RIMS3: variants seen among roughly 807,000 people sequenced by gnomAD.
The protein encoded by RIMS3 is regulating synaptic membrane exocytosis 3.
Under a neutral mutation model 29.2 loss-of-function variants are expected in RIMS3, and 15 were observed. That is an observed-to-expected ratio of 0.51 (90% CI 0.34 to 0.79). RIMS3 has a LOEUF of 0.79. Among genes scored for constraint, RIMS3 ranks in the 30% least tolerant of loss-of-function variants. The pLI, the probability that RIMS3 is intolerant of heterozygous loss-of-function variation, is 0.01. For synonymous variants in RIMS3, 161 were observed against 170.1 expected, an observed-to-expected ratio of 0.95 and a Z score of 0.41; for missense variants, 342 against 421.4, an observed-to-expected ratio of 0.81 and a Z score of 1.65.
chr1:40,659,400 C>T (rs1056993266), intron 1 of RIMS3, among the ~76,000 whole-genome samples: 23 of 152,156 alleles, frequency 1.5e-4, no homozygotes, highest in South Asian at 2.1e-4. Context: ...CAGGGGGTGA[C>T]GGGGTCAGTT....
At chr1:40,664,968 A>G (rs1000894174) in intron 1 of RIMS3, among the ~76,000 whole-genome samples, 2 of 152,106 alleles carry the variant, frequency 1.3e-5, no homozygotes, top group African/African-American at 4.8e-5. Flanking sequence ...GGACACCACA[A>G]CGGTGTCACG....
the RIMS3 span, among the ~76,000 whole-genome samples, chr1:40,676,362 G>A: frequency 6.6e-6 from 1 of 152,204 alleles, no homozygotes; most frequent in Non-Finnish European, 1.5e-5. Context: ...ATTAGTTACA[G>A]AGTGCCCCTG....
the RIMS3 span, among the ~76,000 whole-genome samples, chr1:40,686,035 G>A: frequency 6.6e-6 from 1 of 152,114 alleles, no homozygotes; most frequent in Non-Finnish European, 1.5e-5. Context: ...TGTAATCCCA[G>A]CTACTTGGGA....
chr1:40,686,257 G>A, the RIMS3 span, among the ~76,000 whole-genome samples: 4 of 152,234 alleles, frequency 2.6e-5, no homozygotes, highest in South Asian at 2.1e-4. Context: ...CTTGTAATTC[G>A]AACTCTATAT....
the RIMS3 span, among the ~76,000 whole-genome samples, chr1:40,670,858 G>A: frequency 2.6e-5 from 4 of 151,704 alleles, no homozygotes. Flanking sequence ...GATTACAGGA[G>A]TGAGCCACTG....
Position 40,641,891 on chromosome 1 carries a change from C to T in RIMS3, c.35G>A (p.Gly12Glu), listed in dbSNP as rs551200867. 1 of 1,613,714 alleles carries T rather than the reference C, an allele frequency of 6.2e-7. No homozygotes were observed. Among genetic ancestry groups the T allele is most frequent in the South Asian group, 1.1e-5 (1 of 91,078 alleles). The change falls in exon 3 of 8, where the codon GGG becomes GAG. Residue 12 changes from glycine to glutamate, a missense_variant. Physicochemically the swap from Gly to Glu is moderately conservative, Grantham distance 98 (BLOSUM62 -2). Transcript: ENST00000372684. ...GCTCCGCACCACATTCCTGGAGGCCCCAGATGAGGCAGGACCTGGCTCCCC... is the reference window on the plus strand; with the variant it reads ...GCTCCGCACCACATTCCTGGAGGCCTCAGATGAGGCAGGACCTGGCTCCCC... Reference protein sequence around the residue: ...FNGEPGPASSGASRNVVRSSS... With the variant: ...FNGEPGPASSEASRNVVRSSS...
the RIMS3 span, chr1:40,690,979 A>C: frequency 6.6e-6 from 1 of 152,240 alleles, no homozygotes; most frequent in Non-Finnish European, 1.5e-5. Flanking sequence ...ACTTAGATCA[A>C]GTTACTTAAC....
the RIMS3 span, among the ~76,000 whole-genome samples, chr1:40,678,280 C>T: frequency 2.0e-5 from 3 of 152,094 alleles, no homozygotes; most frequent in Non-Finnish European, 2.9e-5. Flanking sequence ...TAGTGGCGCA[C>T]GCCTGTAATC....
In RIMS3 at chr1:40,623,193, A is replaced by C. The variant is rs1646433201; in HGVS notation, c.*3324T>G. 2 of 384,954 alleles carry C rather than the reference A, an allele frequency of 5.2e-6. No homozygotes were observed. The highest frequency in any genetic ancestry group is 4.1e-5 in the African/African-American group (2 of 48,360). 23.8% of individuals were successfully genotyped at this position (384,954 alleles called of 1,614,324 possible). ...ATTGCCTGGGACTTGCTGCATCCCA[A>C]GAGCCTCCTAAGTGCTCCTTTCCTA... is the stretch of plus-strand genomic sequence containing the variant. On this transcript the variant is annotated 3_prime_UTR_variant, in exon 8 of 8. Transcript: ENST00000372684.
chr1:40,632,536 A>G (rs1271459648), intron 5 of RIMS3, among the ~76,000 whole-genome samples: 2 of 150,052 alleles, frequency 1.3e-5, no homozygotes, highest in Non-Finnish European at 3.0e-5. Flanking sequence ...AATACCTAAC[A>G]CAATGCCTAC....
At chr1:40,651,269 A>G (rs957574346) in intron 1 of RIMS3, among the ~76,000 whole-genome samples, 3 of 152,190 alleles carry the variant, frequency 2.0e-5, no homozygotes, top group Non-Finnish European at 4.4e-5. Flanking sequence ...CCTTATAGGA[A>G]GGTGGCCACG....
intron 5 of RIMS3, among the ~76,000 whole-genome samples, chr1:40,631,107 G>A (rs1300488154): frequency 1.3e-5 from 2 of 152,318 alleles, no homozygotes; most frequent in Non-Finnish European, 2.9e-5. Context: ...TGGGGGCTGA[G>A]TGGGGACGTG....
the RIMS3 span, among the ~76,000 whole-genome samples, chr1:40,685,090 G>A: frequency 6.6e-6 from 1 of 151,760 alleles, no homozygotes; most frequent in Non-Finnish European, 1.5e-5. Context: ...AGGAGGTACT[G>A]GGCCAAGATG....
chr1:40,686,689 T>G, the RIMS3 span, among the ~76,000 whole-genome samples: 2 of 152,164 alleles, frequency 1.3e-5, no homozygotes, highest in Admixed American at 1.3e-4. Context: ...CTTAATTTTC[T>G]TGTTCCCTAA....
intron 2 of RIMS3, among the ~76,000 whole-genome samples, chr1:40,646,335 A>C (rs920230145): frequency 3.3e-5 from 5 of 152,134 alleles, no homozygotes; most frequent in African/African-American, 9.7e-5. Context: ...GACCACAGGG[A>C]TGGAAAAGGG....
In RIMS3 at chr1:40,636,533, CCT is replaced by C. The variant is rs760473331; in HGVS notation, c.218-478_218-477del. On this transcript the variant is annotated intron_variant, in intron 3 of 7. Coordinates refer to ENST00000372684, the MANE Select transcript of RIMS3 (RefSeq NM_014747.3). This position sits in a 1 kb window ranked among gnomAD's most constrained non-coding sequence, Gnocchi z 4.2. ...TATCACACCCAGACCTCACAACTCA[CCT>C]CTGATACCTCTGGAGGCTCTATAGG... Among the ~76,000 whole-genome samples the C allele has an allele frequency of 3.3e-5, 5 of 152,196 alleles. No homozygotes were observed. The highest frequency in any genetic ancestry group is 7.4e-5 in the Non-Finnish European group (5 of 68,026).
upstream of RIMS3, among the ~76,000 whole-genome samples, chr1:40,670,125 C>G (rs989651366): frequency 4.6e-5 from 7 of 152,182 alleles, no homozygotes; most frequent in Non-Finnish European, 1.5e-5. Context: ...CAAATCTGAC[C>G]ACATCCCCTC....
chr1:40,632,013 T>C (rs1047344136), intron 5 of RIMS3, among the ~76,000 whole-genome samples: 1 of 152,076 alleles, frequency 6.6e-6, no homozygotes, highest in African/African-American at 2.4e-5. Context: ...AATAGCATAG[T>C]GTTTGCATAT....
chr1:40,642,582 A>T (rs1646565694), intron 2 of RIMS3, among the ~76,000 whole-genome samples: 1 of 152,192 alleles, frequency 6.6e-6, no homozygotes, highest in African/African-American at 2.4e-5. Flanking sequence ...ATTCCCTTCC[A>T]GCCACCCTTC....
Sources: allele counts gnomAD v4.1 joint callset (sites outside exome capture counted in the v4.1 genomes callset), GRCh38; gene constraint gnomAD v4.1.1; non-coding constraint Gnocchi (gnomAD v3.1); transcripts MANE v1.5; gene names NCBI Gene and HGNC (gene_info 2026-07-23, HGNC 2026-07-21).